Variants in PCDHA4 observed in about 807,000 individuals in gnomAD.
PCDHA4 encodes protocadherin alpha 4.
Under a neutral mutation model 61.4 loss-of-function variants are expected in PCDHA4, and 49 were observed. The ratio of observed to expected loss-of-function variants is 0.80; its 90% CI spans 0.63 to 1.01. The LOEUF (loss-of-function observed/expected upper bound fraction) is 1.01, where lower values mean the gene tolerates loss of function less well. Ranked by LOEUF, PCDHA4 falls within the 50% of genes least tolerant of loss-of-function variation. The pLI is 0.00. For missense variants in PCDHA4, 1,254 were observed against 1,235.8 expected (o/e 1.01, Z -0.22); for synonymous variants, 590 against 550.3 (o/e 1.07, Z -1.01).
Position 140,968,743 on chromosome 5 carries a change from C to T in PCDHA4, c.2386-10206C>T, listed in dbSNP as rs112674082. On this transcript the variant is annotated intron_variant, in intron 1 of 3. Coordinates refer to ENST00000530339, the MANE Select transcript of PCDHA4 (RefSeq NM_018907.4). ...AGAGTGGTAGCACTTTCAACCTGAC[C>T]GTGGTGGTCCGAGATAATGGAGAGC... is the stretch of plus-strand genomic sequence containing the variant. The T allele has an allele frequency of 3.4e-5, 55 of 1,614,060 alleles. No individual in the cohort carries two copies. In the African/African-American group the frequency reaches 5.1e-4, roughly 15 times the overall value.
At chr5:140,830,260 C>T in intron 1 of PCDHA4, 1 of 1,613,632 alleles carries the variant, frequency 6.2e-7, no homozygotes, top group Non-Finnish European at 8.5e-7. Context: ...CGCTGCGGTG[C>T]TCGGCGCCAC....
intron 1 of PCDHA4, chr5:140,834,529 C>G: frequency 6.2e-7 from 1 of 1,614,054 alleles, no homozygotes; most frequent in Non-Finnish European, 8.5e-7. Context: ...GGCCGCATCG[C>G]GCAGGACCTG....
chr5:140,823,802 A>G, intron 1 of PCDHA4: 2 of 1,613,828 alleles, frequency 1.2e-6, no homozygotes, highest in Non-Finnish European at 1.7e-6. Context: ...CAGGCGCCGA[A>G]GGCCTCATCG....
At chr5:140,822,309 C>T (rs2150115372) in intron 1 of PCDHA4, 2 of 1,614,162 alleles carry the variant, frequency 1.2e-6, no homozygotes, top group East Asian at 2.2e-5. Context: ...AATATTTTGA[C>T]TTAGATGTTA....
At chr5:140,858,414 T>C (rs2045398069) in intron 1 of PCDHA4, 1 of 1,562,782 alleles carries the variant, frequency 6.4e-7, no homozygotes. Flanking sequence ...GATCAGTCTA[T>C]TGGAGGGGAC....
At chr5:140,985,982 G>A (rs1380609067) in intron 3 of PCDHA4, among the ~76,000 whole-genome samples, 3 of 151,940 alleles carry the variant, frequency 2.0e-5, no homozygotes, top group East Asian at 1.9e-4. Flanking sequence ...CTCGTGATCC[G>A]CCCACCTCAG....
At chr5:140,953,035 C>A (rs2094836412) in intron 1 of PCDHA4, among the ~76,000 whole-genome samples, 1 of 152,116 alleles carries the variant, frequency 6.6e-6, no homozygotes, top group Admixed American at 6.5e-5. Flanking sequence ...GGAAATCCAC[C>A]CCCATGATCC....
intron 1 of PCDHA4, chr5:140,843,068 C>A (rs1345239073): frequency 1.9e-6 from 3 of 1,595,102 alleles, no homozygotes; most frequent in Admixed American, 1.7e-5. Flanking sequence ...GCTGGTGCCG[C>A]GGTCTGTGGG....
chr5:140,952,743 C>T lies in PCDHA4; in HGVS notation c.2386-26206C>T, dbSNP rs146786879. Reference sequence around the variant, plus strand: ...TCTGTACTAGTCTTTTCTCACACTGCTATAAAAACACCTGAGACTGGATAA... The same window carrying T: ...TCTGTACTAGTCTTTTCTCACACTGTTATAAAAACACCTGAGACTGGATAA... On this transcript the variant is annotated intron_variant, in intron 1 of 3. Coordinates refer to ENST00000530339, the MANE Select transcript of PCDHA4 (RefSeq NM_018907.4). 8.6e-3 allele frequency among the ~76,000 whole-genome samples: 1,316 copies of T among 152,264 alleles called. 10 individuals are homozygous for T. Among genetic ancestry groups the T allele is most frequent in the Middle Eastern group, 0.014 (4 of 294 alleles).
intron 1 of PCDHA4, chr5:140,822,279 A>G: frequency 6.2e-7 from 1 of 1,614,250 alleles, no homozygotes; most frequent in East Asian, 2.2e-5. Context: ...CACAATTGAG[A>G]TACAGGTTAA....
rs150518215 is a variant in PCDHA4, at chr5:140,883,444, T to G, written c.2385+73872T>G. On this transcript the variant is annotated intron_variant, in intron 1 of 3. Transcript: ENST00000530339. ...AGGTCACCTGCACCTTGACGCCGCATGTCCCCTTCAAGCTGGTGTCCACCT... is the reference window on the plus strand; with the variant it reads ...AGGTCACCTGCACCTTGACGCCGCAGGTCCCCTTCAAGCTGGTGTCCACCT... The G allele has an allele frequency of 2.5e-6, 4 of 1,614,052 alleles. No individual in the cohort carries two copies. In the African/African-American group the frequency reaches 4.0e-5, roughly 16 times the overall value.
intron 1 of PCDHA4, among the ~76,000 whole-genome samples, chr5:140,896,969 CACAA>C (rs1554187153): frequency 2.0e-5 from 3 of 152,106 alleles, no homozygotes; most frequent in African/African-American, 7.2e-5. Context: ...TTATTCTTTG[CACAA>C]ACAAACCAGT....
chr5:140,831,212 T>C (rs1173379795), intron 1 of PCDHA4: 1 of 152,260 alleles, frequency 6.6e-6, no homozygotes, highest in Non-Finnish European at 1.5e-5. Context: ...AGTAAATTTA[T>C]ATGAAAACTG....
intron 1 of PCDHA4, among the ~76,000 whole-genome samples, chr5:140,904,681 A>G (rs1562946233): frequency 6.6e-6 from 1 of 152,192 alleles, no homozygotes; most frequent in South Asian, 2.1e-4. Context: ...CATTCCCACC[A>G]GCAGTGTAAA....
rs1484311028 is a variant in PCDHA4 at position 140,850,855 on chromosome 5, G to C, written c.2385+41283G>C. 8.1e-6 allele frequency: 13 copies of C among 1,595,270 alleles called. No individual in the cohort carries two copies. In the South Asian group the frequency reaches 1.4e-4, roughly 18 times the overall value. ...TGTGCTGGATCTACAGAGCGAACGG[G>C]AGAACCCTCTGCTTCCTCAGATTCA... On this transcript the variant is annotated intron_variant, in intron 1 of 3. Transcript: ENST00000530339.
At chr5:140,929,421 A>G (rs2086144210) in intron 1 of PCDHA4, 2 of 1,502,092 alleles carry the variant, frequency 1.3e-6, no homozygotes, top group Non-Finnish European at 1.8e-6. Flanking sequence ...ACAACATTTC[A>G]TCAATTGAAC....
In PCDHA4 at chr5:140,850,498, C is replaced by G; in HGVS notation, c.2385+40926C>G. The G allele has an allele frequency of 1.3e-6, 2 of 1,598,138 alleles. 1 individual carries two copies. The highest frequency in any genetic ancestry group is 4.5e-5 in the East Asian group (2 of 44,830). ...ACGGCCACGGCCACTGTGCTGGTGT[C>G]GCTGGTGGAGAGCGGCCAGGCGCCA... On this transcript the variant is annotated intron_variant, in intron 1 of 3. Transcript: ENST00000530339.
chr5:140,986,198 C>T (rs782730684), intron 3 of PCDHA4, among the ~76,000 whole-genome samples: 1 of 152,200 alleles, frequency 6.6e-6, no homozygotes, highest in African/African-American at 2.4e-5. Flanking sequence ...ATTGGTTAAT[C>T]CTGATTACTG....
intron 3 of PCDHA4, among the ~76,000 whole-genome samples, chr5:140,997,092 A>C (rs2097758868): frequency 6.6e-6 from 1 of 152,160 alleles, no homozygotes; most frequent in South Asian, 2.1e-4. Flanking sequence ...GAAAGTGCAG[A>C]GTTCTCATGC....
Sources: gnomAD v4.1 joint callset for allele counts (sites outside exome capture counted in the v4.1 genomes callset) on GRCh38, gnomAD v4.1.1 for gene constraint, MANE v1.5 for transcripts, NCBI Gene and HGNC (gene_info 2026-07-23, HGNC 2026-07-21) for gene names.